The following C5orf46 variants were observed in gnomAD, a reference collection of about 807,000 sequenced individuals.
C5orf46 encodes chromosome 5 open reading frame 46, also known as uncharacterized protein C5orf46.
C5orf46 carries 9 observed loss-of-function variants against 8.9 expected under a neutral mutation model. The observed-to-expected ratio is 1.01, with a 90% confidence interval of 0.61 to 1.76. The LOEUF is 1.76. Ranked by LOEUF, C5orf46 falls within the 40% of genes most tolerant of loss-of-function variation. The probability of loss-of-function intolerance (pLI) is 0.00; values close to 1 mark genes in which losing one functional copy is unlikely to be tolerated. For missense variants in C5orf46, 98 were observed against 107.8 expected (o/e 0.91, Z 0.40); for synonymous variants, 47 against 41.4 (o/e 1.14, Z -0.52).
intron 1 of C5orf46, 117 bp downstream of exon 1, chr5:147,906,315 C>T (rs542393453): frequency 5.6e-6 from 3 of 534,372 alleles, no homozygotes; most frequent in Non-Finnish European, 1.0e-5. Context: ...GGCCAGTGCT[C>T]TTTCTGGAGT....
chr5:147,901,601 A>G (rs754821107), intron 2 of C5orf46, 28 bp downstream of exon 2: 1 of 1,606,926 alleles, frequency 6.2e-7, no homozygotes, highest in Admixed American at 1.7e-5. Context: ...AGAATTGGAC[A>G]AAAAGCAACG....
intron 1 of C5orf46, among the ~76,000 whole-genome samples, chr5:147,904,266 T>C (rs1445726743): frequency 6.6e-6 from 1 of 152,186 alleles, no homozygotes; most frequent in African/African-American, 2.4e-5. Flanking sequence ...TTAATCGTCA[T>C]TTAGCTCAGC....
intron 1 of C5orf46, among the ~76,000 whole-genome samples, chr5:147,903,745 CT>C (rs779002991): frequency 6.6e-6 from 1 of 152,070 alleles, no homozygotes; most frequent in Non-Finnish European, 1.5e-5. Flanking sequence ...TTTGGGCCTA[CT>C]TTTTTAATGT....
chr5:147,900,943 A>G (rs989822481), intron 2 of C5orf46, among the ~76,000 whole-genome samples: 1 of 152,242 alleles, frequency 6.6e-6, no homozygotes, highest in African/African-American at 2.4e-5. Context: ...TGTATTGGGA[A>G]TTAGACACAG....
chr5:147,887,582 A>G (rs950868470), intron 2 of C5orf46: 4 of 152,206 alleles, frequency 2.6e-5, no homozygotes, highest in Non-Finnish European at 5.9e-5. Context: ...TTTGCTGGAC[A>G]GGAAGCATAC....
intron 3 of C5orf46, among the ~76,000 whole-genome samples, chr5:147,895,520 A>T (rs1207081227): frequency 1.3e-5 from 2 of 152,228 alleles, no homozygotes; most frequent in Non-Finnish European, 2.9e-5. Flanking sequence ...GACCACGGTT[A>T]CATAACCATT....
chr5:147,889,981 C>G (rs550109791), downstream of C5orf46, among the ~76,000 whole-genome samples: 7 of 152,158 alleles, frequency 4.6e-5, no homozygotes, highest in Non-Finnish European at 8.8e-5. Flanking sequence ...TTGGTTTAAG[C>G]TTTCTTCTGT....
At chr5:147,904,520 G>T (rs1025632383) in intron 1 of C5orf46, among the ~76,000 whole-genome samples, 2 of 152,064 alleles carry the variant, frequency 1.3e-5, no homozygotes, top group East Asian at 3.8e-4. Context: ...GTTTCTATCT[G>T]GCTACTTGCA....
At chr5:147,896,628 T>G (rs145565867) in intron 3 of C5orf46, among the ~76,000 whole-genome samples, 4 of 152,146 alleles carry the variant, frequency 2.6e-5, no homozygotes, top group African/African-American at 7.2e-5. Context: ...ACTCTTCTTA[T>G]GAGTAACTAA....
downstream of C5orf46, among the ~76,000 whole-genome samples, chr5:147,890,161 G>A (rs1757481381): frequency 6.6e-6 from 1 of 152,142 alleles, no homozygotes; most frequent in East Asian, 1.9e-4. Context: ...CTGTTATGCT[G>A]CACCGTGTTG....
At chr5:147,890,042 T>C (rs1473563754), downstream of C5orf46, among the ~76,000 whole-genome samples, 4 of 152,204 alleles carry the variant, frequency 2.6e-5, no homozygotes, top group Non-Finnish European at 5.9e-5. Flanking sequence ...TCCTTTATCA[T>C]TCATCAAGTC....
chr5:147,895,566 CTATGTCTTCTGT>C (rs756617505), intron 3 of C5orf46, among the ~76,000 whole-genome samples: 2 of 152,156 alleles, frequency 1.3e-5, no homozygotes, highest in Admixed American at 1.3e-4. Context: ...TACATCTTGT[CTATGTCTTCTGT>C]TCTTTCTGCT....
chr5:147,897,803 T>C (rs970225907), intron 2 of C5orf46, among the ~76,000 whole-genome samples: 6 of 152,142 alleles, frequency 3.9e-5, no homozygotes, highest in African/African-American at 1.4e-4. Flanking sequence ...ACTTGCCAAG[T>C]GAACAGAGTG....
intron 2 of C5orf46, among the ~76,000 whole-genome samples, chr5:147,897,802 G>A (rs1757606768): frequency 6.6e-6 from 1 of 152,184 alleles, no homozygotes. Context: ...GACTTGCCAA[G>A]TGAACAGAGT....
chr5:147,892,452 C>G (rs976470141), downstream of C5orf46, among the ~76,000 whole-genome samples: 1 of 152,110 alleles, frequency 6.6e-6, no homozygotes, highest in African/African-American at 2.4e-5. Flanking sequence ...ATGTGTAAAA[C>G]TTTTAACTCT....
chr5:147,891,393 G>C (rs115849651), downstream of C5orf46, among the ~76,000 whole-genome samples: 2 of 152,104 alleles, frequency 1.3e-5, no homozygotes, highest in Non-Finnish European at 2.9e-5. Context: ...GGAGGAAGAG[G>C]AAACACACAT....
At chr5:147,886,097 A>G (rs1172429742) in intron 2 of C5orf46, 1 of 152,222 alleles carries the variant, frequency 6.6e-6, no homozygotes, top group East Asian at 1.9e-4. Context: ...AATTTTGTAT[A>G]CTTTTATTTA....
intron 1 of C5orf46, among the ~76,000 whole-genome samples, chr5:147,903,325 G>T (rs979472800): frequency 1.3e-5 from 2 of 152,140 alleles, no homozygotes; most frequent in African/African-American, 4.8e-5. Context: ...CTATAAAAAA[G>T]ATCCATGCAA....
chr5:147,901,860 T>A (rs1485248048), intron 1 of C5orf46, 87 bp from the exon 2 acceptor site: 2 of 1,431,760 alleles, frequency 1.4e-6, no homozygotes, highest in Non-Finnish European at 1.9e-6. Context: ...GGATTCTTTC[T>A]GACCCACTCA....
Sources: allele counts gnomAD v4.1 joint callset (sites outside exome capture counted in the v4.1 genomes callset), GRCh38; gene constraint gnomAD v4.1.1; transcripts MANE v1.5; gene names NCBI Gene and HGNC (gene_info 2026-07-23, HGNC 2026-07-21).